ALG9: variants seen among roughly 807,000 people sequenced by gnomAD.
The protein encoded by ALG9 is ALG9 alpha-1,2-mannosyltransferase, also known as alpha-1,2-mannosyltransferase ALG9.
In ALG9, 55 loss-of-function variants were observed where a neutral mutation model predicts 81.8. The ratio of observed to expected loss-of-function variants is 0.67; its 90% CI spans 0.54 to 0.84. The LOEUF (loss-of-function observed/expected upper bound fraction) is 0.84, where lower values mean the gene tolerates loss of function less well. Among genes scored for constraint, ALG9 ranks in the 40% least tolerant of loss-of-function variants. The pLI is 0.00. For missense variants in ALG9, 629 were observed against 745.0 expected, an observed-to-expected ratio of 0.84 and a Z score of 1.81; for synonymous variants, 278 against 274.3, an observed-to-expected ratio of 1.01 and a Z score of -0.13.
chr11:111,782,969 T>C lies in ALG9; in HGVS notation c.*3428A>G, dbSNP rs1376463554. 6 of 152,224 alleles carry C rather than the reference T, an allele frequency of 3.9e-5. No individual in the cohort carries two copies. Among genetic ancestry groups the C allele is most frequent in the Non-Finnish European group, 7.3e-5 (5 of 68,032 alleles). The allele number at this position is 152,224 out of a possible 1,614,324, so 9.4% of individuals were successfully genotyped here. Reference sequence around the variant, plus strand: ...AAATTAAAATAACCTGTCTTCTTTCTTATCAGATGACACCTACCAGGTAGG... The same window carrying C: ...AAATTAAAATAACCTGTCTTCTTTCCTATCAGATGACACCTACCAGGTAGG... On this transcript the variant is annotated 3_prime_UTR_variant, in exon 15 of 15. Coordinates refer to ENST00000616540, the MANE Select transcript of ALG9 (RefSeq NM_024740.2).
chr11:111,779,388 A>G (rs1555056167), downstream of ALG9, among the ~76,000 whole-genome samples: 1 of 152,170 alleles, frequency 6.6e-6, no homozygotes, highest in African/African-American at 2.4e-5. Context: ...CCTGAAATCC[A>G]TGGCTGAAGG....
chr11:111,786,134 G>A lies in ALG9; in HGVS notation c.*263C>T, dbSNP rs1555063078. 3.8e-6 allele frequency: 2 copies of A among 533,270 alleles called. No homozygotes were observed. The highest frequency in any genetic ancestry group is 2.2e-5 in the Admixed American group (1 of 44,872). The allele number at this position is 533,270 out of a possible 1,614,324, so 33.0% of individuals were successfully genotyped here. A position where few individuals can be genotyped will look rare whatever the true frequency, so the allele number is the denominator to read the frequency against. ...AACAGAGGAAAAACAATGAGATGTGGAGCAATATATCTATCTGTGCTTTAG... is the reference window on the plus strand; with the variant it reads ...AACAGAGGAAAAACAATGAGATGTGAAGCAATATATCTATCTGTGCTTTAG... On this transcript the variant is annotated 3_prime_UTR_variant, in exon 15 of 15. Coordinates refer to ENST00000616540, the MANE Select transcript of ALG9 (RefSeq NM_024740.2).
At chr11:111,836,471 T>C (rs978926335) in intron 12 of ALG9, among the ~76,000 whole-genome samples, 177 bp from the exon 13 acceptor site, 1 of 152,236 alleles carries the variant, frequency 6.6e-6, no homozygotes, top group Non-Finnish European at 1.5e-5. Flanking sequence ...TCCAAAATCA[T>C]TGAGAAATTT....
At chr11:111,871,163 T>C in intron 1 of ALG9, 189 bp downstream of exon 1, 1 of 1,291,876 alleles carries the variant, frequency 7.7e-7, no homozygotes. Context: ...TGGAGGGATC[T>C]AAGGTGGGCG....
At chr11:111,789,048 GC>G (rs1325744179) in intron 14 of ALG9, among the ~76,000 whole-genome samples, 3 of 149,468 alleles carry the variant, frequency 2.0e-5, no homozygotes, top group Non-Finnish European at 4.4e-5. Flanking sequence ...TCACTATTTT[GC>G]CCAGGCTGGC....
At position 111,785,151 on chromosome 11, in the gene ALG9, A is replaced by C. The variant is rs1946336479; in HGVS notation, c.*1246T>G. 6.6e-6 allele frequency: 1 copy of C among 152,526 alleles called. No homozygotes were observed. Among genetic ancestry groups the C allele is most frequent in the South Asian group, 2.1e-4 (1 of 4,836 alleles). 9.4% of individuals were successfully genotyped at this position (152,526 alleles called of 1,614,324 possible). On this transcript the variant is annotated 3_prime_UTR_variant, in exon 15 of 15. Coordinates refer to ENST00000616540, the MANE Select transcript of ALG9 (RefSeq NM_024740.2). ...AAACCTGGGTTCCAGTCCCAGCTCT[A>C]TTACTTACTGGCTGTGTGACCTTAG...
At chr11:111,805,239 G>C (rs1441438579) in intron 14 of ALG9, 2 of 456,174 alleles carry the variant, frequency 4.4e-6, no homozygotes, top group African/African-American at 4.0e-5. Flanking sequence ...CAAGTCAGCT[G>C]TCTGCAGCCA....
At chr11:111,827,744 T>A (rs1169911462) in intron 13 of ALG9, among the ~76,000 whole-genome samples, 5 of 151,468 alleles carry the variant, frequency 3.3e-5, no homozygotes, top group Non-Finnish European at 5.9e-5. Flanking sequence ...GGCACACACC[T>A]GTAATCCCAG....
At chr11:111,768,325 A>C in the ALG9 span, among the ~76,000 whole-genome samples, 2 of 152,204 alleles carry the variant, frequency 1.3e-5, no homozygotes, top group African/African-American at 4.8e-5. Context: ...TAATATTTTT[A>C]ATTGAATAGT....
intron 4 of ALG9, among the ~76,000 whole-genome samples, chr11:111,864,925 G>GC (rs1361710449): frequency 6.6e-6 from 1 of 152,076 alleles, no homozygotes; most frequent in Non-Finnish European, 1.5e-5. Flanking sequence ...TTACAGGCAT[G>GC]CACCACCACA....
At chr11:111,796,899 T>A (rs553960675) in intron 14 of ALG9, among the ~76,000 whole-genome samples, 2 of 152,244 alleles carry the variant, frequency 1.3e-5, no homozygotes, top group Admixed American at 6.5e-5. Context: ...GGAAGCACCA[T>A]CTGAAGCATG....
At chr11:111,804,887 A>T (rs1186849571) in intron 14 of ALG9, among the ~76,000 whole-genome samples, 3 of 152,232 alleles carry the variant, frequency 2.0e-5, no homozygotes, top group Non-Finnish European at 4.4e-5. Flanking sequence ...GCCACTTTGG[A>T]AGACAATCTG....
Position 111,786,268 on chromosome 11 carries a change from C to T in ALG9, c.*129G>A. On this transcript the variant is annotated 3_prime_UTR_variant, in exon 15 of 15. Transcript: ENST00000616540. ...GAAATAGACTTTGACTAGCCCAGAG[C>T]ACCCAGATTCCAGTATTCATGTCAG... 7.1e-7 allele frequency: 1 copy of T among 1,415,724 alleles called. No homozygotes were observed. Among genetic ancestry groups the T allele is most frequent in the African/African-American group, 1.4e-5 (1 of 70,722 alleles). 87.7% of individuals were successfully genotyped at this position (1,415,724 alleles called of 1,614,324 possible). A position where few individuals can be genotyped will look rare whatever the true frequency, so the allele number is the denominator to read the frequency against.
chr11:111,778,644 T>A (rs529481580), downstream of ALG9, among the ~76,000 whole-genome samples: 1 of 152,030 alleles, frequency 6.6e-6, no homozygotes, highest in Non-Finnish European at 1.5e-5. Flanking sequence ...TTTGGTGTGA[T>A]TGTTAGTCTC....
Position 111,786,287 on chromosome 11 carries a change from A to T in ALG9, c.*110T>A. 6.5e-7 allele frequency: 1 copy of T among 1,532,956 alleles called. No homozygotes were observed. 95.0% of individuals were successfully genotyped at this position (1,532,956 alleles called of 1,614,324 possible). A position where few individuals can be genotyped will look rare whatever the true frequency, so the allele number is the denominator to read the frequency against. ...CCAGAGCACCCAGATTCCAGTATTCATGTCAGAAGACCTTTATTACAAATG... is the reference window on the plus strand; with the variant it reads ...CCAGAGCACCCAGATTCCAGTATTCTTGTCAGAAGACCTTTATTACAAATG... On this transcript the variant is annotated 3_prime_UTR_variant, in exon 15 of 15. Transcript: ENST00000616540.
chr11:111,864,788 T>C (rs1199934928), intron 4 of ALG9, among the ~76,000 whole-genome samples: 5 of 152,158 alleles, frequency 3.3e-5, no homozygotes, highest in African/African-American at 1.2e-4. Context: ...CTTTCTCTTT[T>C]TTTTTTGAGA....
intron 4 of ALG9, among the ~76,000 whole-genome samples, chr11:111,863,437 C>G (rs1191883039): frequency 1.3e-5 from 2 of 152,140 alleles, no homozygotes; most frequent in Non-Finnish European, 1.5e-5. Context: ...CAGGCCCAAA[C>G]CCATATAAAG....
At chr11:111,780,842 C>T (rs1466909275), downstream of ALG9, among the ~76,000 whole-genome samples, 2 of 152,118 alleles carry the variant, frequency 1.3e-5, no homozygotes, top group Admixed American at 6.6e-5. Flanking sequence ...CGCTGAGCAC[C>T]GGGAATACAT....
At chr11:111,843,992 T>G (rs918444481) in intron 9 of ALG9, among the ~76,000 whole-genome samples, 1 of 152,178 alleles carries the variant, frequency 6.6e-6, no homozygotes, top group African/African-American at 2.4e-5. Flanking sequence ...AAAACTCAAA[T>G]AGGCTTGTTC....
Sources: gnomAD v4.1 joint callset for allele counts (sites outside exome capture counted in the v4.1 genomes callset) on GRCh38, gnomAD v4.1.1 for gene constraint, MANE v1.5 for transcripts, NCBI Gene and HGNC (gene_info 2026-07-23, HGNC 2026-07-21) for gene names.